MBD5: variants seen among roughly 807,000 people sequenced by gnomAD.
MBD5 encodes methyl-CpG binding domain protein 5.
MBD5 carries 13 observed loss-of-function variants against 117.3 expected under a neutral mutation model. The observed-to-expected ratio is 0.11, with a 90% CI of 0.07 to 0.18. MBD5 has a LOEUF of 0.18. MBD5 is among the 10% of genes least tolerant of loss of function. The pLI is 1.00. For missense variants in MBD5, 1,879 were observed against 2,093.8 expected (o/e 0.90, Z 2.00); for synonymous variants, 727 against 766.4 (o/e 0.95, Z 0.85).
intron 4 of MBD5, among the ~76,000 whole-genome samples, chr2:148,402,360 C>T (rs1157981590): frequency 2.0e-5 from 3 of 151,974 alleles, no homozygotes; most frequent in Non-Finnish European, 4.4e-5. Flanking sequence ...GCTGTTTCTT[C>T]TTTTATTTTT....
chr2:148,305,003 T>G lies in MBD5; in HGVS notation c.-679-37211T>G, dbSNP rs946589427. Among the ~76,000 whole-genome samples, 3 of 150,462 alleles carry G rather than the reference T, an allele frequency of 2.0e-5. No individual in the cohort carries two copies. The East Asian group carries it at 5.9e-4, about 29-fold the overall frequency. On this transcript the variant is annotated intron_variant, in intron 3 of 13. Coordinates refer to ENST00000642680, the MANE Select transcript of MBD5 (RefSeq NM_001378120.1). The stretch of plus-strand genomic sequence containing the variant: ...TGGCGTGAACCCGGGAGGCGGAGCT[T>G]GCAGTGAGCCGAGATCCCGCCACTG...
At chr2:148,258,971 G>T (rs1475264086) in intron 3 of MBD5, among the ~76,000 whole-genome samples, 1 of 152,134 alleles carries the variant, frequency 6.6e-6, no homozygotes, top group Non-Finnish European at 1.5e-5. Flanking sequence ...AGCAGCTAGG[G>T]AGTCAAAGGC....
chr2:148,134,917 G>C (rs550605680), intron 1 of MBD5, among the ~76,000 whole-genome samples: 96 of 152,252 alleles, frequency 6.3e-4, no homozygotes, highest in African/African-American at 2.2e-3. Context: ...TTCTTGAGTA[G>C]TTTCCTCGGA....
At chr2:148,060,264 A>T (rs757961898) in intron 1 of MBD5, among the ~76,000 whole-genome samples, 2 of 150,788 alleles carry the variant, frequency 1.3e-5, no homozygotes, top group South Asian at 4.2e-4. Flanking sequence ...AGCTTTGAAC[A>T]CACCCATTGC....
chr2:148,321,825 C>A (rs1702289963), intron 3 of MBD5, among the ~76,000 whole-genome samples: 3 of 152,048 alleles, frequency 2.0e-5, no homozygotes, highest in African/African-American at 7.2e-5. Flanking sequence ...TGACCTAAAG[C>A]AACCCTCCTG....
intron 1 of MBD5, among the ~76,000 whole-genome samples, chr2:148,089,465 A>C (rs1695881272): frequency 6.6e-6 from 1 of 152,126 alleles, no homozygotes. Flanking sequence ...AGTCTCAATA[A>C]ATTTAAGAAA....
At chr2:148,185,601 G>A (rs1698634782) in intron 2 of MBD5, among the ~76,000 whole-genome samples, 1 of 152,058 alleles carries the variant, frequency 6.6e-6, no homozygotes, top group African/African-American at 2.4e-5. Flanking sequence ...ACTGATTTCT[G>A]GTTTTTTAAA....
At chr2:148,315,690 C>A (rs1191813990) in intron 3 of MBD5, among the ~76,000 whole-genome samples, 2 of 152,150 alleles carry the variant, frequency 1.3e-5, no homozygotes, top group South Asian at 4.1e-4. Context: ...AAATCCATTC[C>A]TCTACCCATC....
At chr2:148,122,500 T>C (rs1259981857) in intron 1 of MBD5, among the ~76,000 whole-genome samples, 1 of 152,166 alleles carries the variant, frequency 6.6e-6, no homozygotes, top group Non-Finnish European at 1.5e-5. Context: ...GGGAGGTACA[T>C]GATATGTTTT....
chr2:148,425,344 C>T (rs540134575), intron 4 of MBD5, among the ~76,000 whole-genome samples: 5 of 152,148 alleles, frequency 3.3e-5, no homozygotes, highest in Admixed American at 1.3e-4. Flanking sequence ...AGGAAGAAGT[C>T]GAATCCCTGA....
intron 1 of MBD5, among the ~76,000 whole-genome samples, chr2:148,125,328 G>C (rs1234397828): frequency 6.6e-6 from 1 of 152,010 alleles, no homozygotes; most frequent in East Asian, 1.9e-4. Context: ...ACCAAAAATG[G>C]TTTAGTAAGC....
chr2:148,053,855 G>T (rs985651387), intron 1 of MBD5: 2 of 148,686 alleles, frequency 1.3e-5, no homozygotes, highest in East Asian at 2.0e-4. Flanking sequence ...ATCCAATGAA[G>T]TTTTTTTCTT....
At chr2:148,504,847 G>A (rs1454463633) in intron 12 of MBD5, among the ~76,000 whole-genome samples, 1 of 152,110 alleles carries the variant, frequency 6.6e-6, no homozygotes, top group Non-Finnish European at 1.5e-5. Context: ...AGATATAAGA[G>A]GTATAAGCGG....
chr2:148,309,359 A>G, intron 3 of MBD5, among the ~76,000 whole-genome samples: 1 of 152,072 alleles, frequency 6.6e-6, no homozygotes, highest in East Asian at 1.9e-4. Flanking sequence ...CTCCCTGAAG[A>G]GGTCCTTCAC....
chr2:148,451,291 G>A (rs1706719943), intron 4 of MBD5, among the ~76,000 whole-genome samples: 1 of 152,130 alleles, frequency 6.6e-6, no homozygotes, highest in Non-Finnish European at 1.5e-5. Context: ...GTGAAGATAA[G>A]CAATGAAAAT....
intron 1 of MBD5, among the ~76,000 whole-genome samples, chr2:148,167,679 A>G (rs16828356): frequency 0.012 from 1,873 of 152,216 alleles, 45 homozygotes; most frequent in African/African-American, 0.043. Context: ...GTCCTTTAGG[A>G]TCTCCTAATT....
intron 2 of MBD5, among the ~76,000 whole-genome samples, chr2:148,224,901 T>C (rs1699783090): frequency 6.6e-6 from 1 of 152,146 alleles, no homozygotes; most frequent in Admixed American, 6.5e-5. Context: ...TTGGTTTCCA[T>C]TGGCATGGAA....
At chr2:148,129,463 T>G (rs1696982993) in intron 1 of MBD5, among the ~76,000 whole-genome samples, 1 of 151,834 alleles carries the variant, frequency 6.6e-6, no homozygotes, top group Non-Finnish European at 1.5e-5. Flanking sequence ...ACCACTGCAC[T>G]CCAGACTGGG....
intron 1 of MBD5, among the ~76,000 whole-genome samples, chr2:148,170,604 C>T (rs1173886914): frequency 6.6e-6 from 1 of 152,128 alleles, no homozygotes; most frequent in Non-Finnish European, 1.5e-5. Flanking sequence ...TTAAAAGTCA[C>T]CTGTCAGATC....
Sources: allele counts gnomAD v4.1 joint callset (sites outside exome capture counted in the v4.1 genomes callset), GRCh38; gene constraint gnomAD v4.1.1; transcripts MANE v1.5; gene names NCBI Gene and HGNC (gene_info 2026-07-23, HGNC 2026-07-21).